ARHGAP15: variants seen among roughly 807,000 people sequenced by gnomAD.
ARHGAP15 encodes the protein rho GTPase-activating protein 15.
Under a neutral mutation model 63.7 loss-of-function variants are expected in ARHGAP15, and 51 were observed. The observed-to-expected ratio is 0.80, with a 90% confidence interval of 0.64 to 1.01. The LOEUF (loss-of-function observed/expected upper bound fraction) is 1.01. Ranked by LOEUF, ARHGAP15 falls within the 50% of genes least tolerant of loss-of-function variation. ARHGAP15 has a pLI of 0.00. For synonymous variants in ARHGAP15, 191 were observed against 193.8 expected (o/e 0.99, Z 0.12); for missense variants, 560 against 564.6 (o/e 0.99, Z 0.08).
At chr2:143,235,368 G>T (rs1325660916) in intron 5 of ARHGAP15, among the ~76,000 whole-genome samples, 4 of 151,792 alleles carry the variant, frequency 2.6e-5, no homozygotes, top group African/African-American at 2.4e-5. Flanking sequence ...GAGTGCAGGG[G>T]CATAAAAAAC....
chr2:143,391,867 T>C (rs1320263633), intron 6 of ARHGAP15, among the ~76,000 whole-genome samples: 1 of 152,142 alleles, frequency 6.6e-6, no homozygotes, highest in Non-Finnish European at 1.5e-5. Context: ...TCAAAAATGA[T>C]TACTACAGAT....
At chr2:143,277,048 A>G (rs1681595015) in intron 6 of ARHGAP15, among the ~76,000 whole-genome samples, 1 of 152,006 alleles carries the variant, frequency 6.6e-6, no homozygotes, top group Non-Finnish European at 1.5e-5. Flanking sequence ...TGTTCTTTGT[A>G]GTTGTCTTGT....
chr2:143,408,346 G>A (rs1006433407), intron 6 of ARHGAP15, among the ~76,000 whole-genome samples: 1 of 147,148 alleles, frequency 6.8e-6, no homozygotes, highest in African/African-American at 2.5e-5. Context: ...TATAAATTTT[G>A]TGCGCTTTTC....
chr2:143,276,194 C>T (rs1558860904), intron 6 of ARHGAP15, among the ~76,000 whole-genome samples: 1 of 152,182 alleles, frequency 6.6e-6, no homozygotes, highest in African/African-American at 2.4e-5. Context: ...TTATGAAGAC[C>T]ATTTATTCAG....
At chr2:143,225,383 C>T (rs1481202283) in intron 4 of ARHGAP15, among the ~76,000 whole-genome samples, 1 of 152,098 alleles carries the variant, frequency 6.6e-6, no homozygotes, top group Non-Finnish European at 1.5e-5. Flanking sequence ...AGGCGGATCA[C>T]GAAGTCAGGA....
intron 6 of ARHGAP15, among the ~76,000 whole-genome samples, chr2:143,387,985 C>T (rs534109887): frequency 8.4e-4 from 128 of 152,128 alleles, no homozygotes; most frequent in Non-Finnish European, 1.6e-3. Flanking sequence ...CTTAAACAGG[C>T]CCACTGAAAT....
At chr2:143,560,069 T>C (rs545682730) in intron 11 of ARHGAP15, among the ~76,000 whole-genome samples, 6 of 152,324 alleles carry the variant, frequency 3.9e-5, no homozygotes, top group Admixed American at 3.9e-4. Flanking sequence ...TTTCACTAAC[T>C]TTCTTGAATG....
chr2:143,446,756 C>T (rs1311343433), intron 8 of ARHGAP15, among the ~76,000 whole-genome samples: 1 of 151,138 alleles, frequency 6.6e-6, no homozygotes, highest in African/African-American at 2.4e-5. Context: ...TTAGGTATAT[C>T]TCCCAATGCT....
At chr2:143,591,091 A>G (rs960865685) in intron 11 of ARHGAP15, among the ~76,000 whole-genome samples, 3 of 152,176 alleles carry the variant, frequency 2.0e-5, no homozygotes, top group Non-Finnish European at 4.4e-5. Flanking sequence ...TGAGAACTAC[A>G]TGAGTTTGGG....
At chr2:143,281,022 T>TAG (rs1486786919) in intron 6 of ARHGAP15, among the ~76,000 whole-genome samples, 1 of 152,148 alleles carries the variant, frequency 6.6e-6, no homozygotes, top group Non-Finnish European at 1.5e-5. Context: ...TACTACATGC[T>TAG]AGACACTAAG....
intron 8 of ARHGAP15, among the ~76,000 whole-genome samples, chr2:143,443,344 A>C (rs1217312065): frequency 1.3e-5 from 2 of 152,142 alleles, no homozygotes; most frequent in East Asian, 3.8e-4. Flanking sequence ...AAAAACAAAA[A>C]AGTCGTGACA....
At chr2:143,404,809 T>A (rs567771218) in intron 6 of ARHGAP15, among the ~76,000 whole-genome samples, 50 of 152,002 alleles carry the variant, frequency 3.3e-4, no homozygotes, top group African/African-American at 1.2e-3. Flanking sequence ...TTGCATTGAG[T>A]TTATAAAATA....
At chr2:143,678,864 TA>T (rs1251108259) in intron 12 of ARHGAP15, among the ~76,000 whole-genome samples, 1 of 152,232 alleles carries the variant, frequency 6.6e-6, no homozygotes, top group East Asian at 1.9e-4. Flanking sequence ...ATGACTTTTA[TA>T]CTTAAATATA....
At chr2:143,373,297 A>G (rs1686645216) in intron 6 of ARHGAP15, among the ~76,000 whole-genome samples, 1 of 152,188 alleles carries the variant, frequency 6.6e-6, no homozygotes, top group Admixed American at 6.5e-5. Flanking sequence ...ATGTGTTCCA[A>G]GAATCCATGT....
intron 11 of ARHGAP15, among the ~76,000 whole-genome samples, chr2:143,574,898 C>T (rs912915872): frequency 1.3e-5 from 2 of 152,126 alleles, no homozygotes; most frequent in East Asian, 1.9e-4. Context: ...TGTTACCTTA[C>T]GTATTGTCAT....
chr2:143,371,219 G>A (rs1686535639), intron 6 of ARHGAP15, among the ~76,000 whole-genome samples: 1 of 152,172 alleles, frequency 6.6e-6, no homozygotes, highest in Non-Finnish European at 1.5e-5. Flanking sequence ...TGTTACATAG[G>A]TATACGTGTG....
intron 2 of ARHGAP15, among the ~76,000 whole-genome samples, chr2:143,193,101 T>TAATC: frequency 6.6e-6 from 1 of 152,176 alleles, no homozygotes; most frequent in Admixed American, 6.5e-5. Context: ...TCCACAGTTA[T>TAATC]AATCGAAGGT....
intron 6 of ARHGAP15, among the ~76,000 whole-genome samples, chr2:143,313,969 T>TTGTTTTG (rs1454336219): frequency 1.3e-5 from 2 of 148,984 alleles, no homozygotes; most frequent in Non-Finnish European, 3.0e-5. Context: ...TTTTTTTTTC[T>TTGTTTTG]TGTTTTGTTT....
Position 143,330,133 on chromosome 2 carries a change from C to CAAAAAAAAAAAAAAAAAAAAAA in ARHGAP15, c.474+79538_474+79539insAAAAAAAAAAAAAAAAAAAAAA, listed in dbSNP as rs1558898102. On this transcript the variant is annotated intron_variant, in intron 6 of 13. Transcript: ENST00000295095. ...AAAAAAAAAAAAAAAAAAAAAAAAC[C>CAAAAAAAAAAAAAAAAAAAAAA]AAAAACAAAAAACTAAACTAATGAT... Among the ~76,000 whole-genome samples the CAAAAAAAAAAAAAAAAAAAAAA allele has an allele frequency of 4.0e-3, 149 of 37,332 alleles. 29 individuals carry two copies. Among genetic ancestry groups the CAAAAAAAAAAAAAAAAAAAAAA allele is most frequent in the Non-Finnish European group, 5.3e-3 (102 of 19,148 alleles). The allele number at this position is 37,332 out of a possible 152,430, so 24.5% of individuals were successfully genotyped here. A position where few individuals can be genotyped will look rare whatever the true frequency, so the allele number is the denominator to read the frequency against.
Sources: gnomAD v4.1 joint callset for allele counts (sites outside exome capture counted in the v4.1 genomes callset) on GRCh38, gnomAD v4.1.1 for gene constraint, MANE v1.5 for transcripts, NCBI Gene and HGNC (gene_info 2026-07-23, HGNC 2026-07-21) for gene names.